Variants in IL15 observed in about 807,000 individuals in gnomAD.
IL15 encodes the protein interleukin-15.
IL15 carries 11 observed loss-of-function variants against 19.6 expected under a neutral mutation model. That is an observed-to-expected ratio of 0.56 (90% confidence interval 0.35 to 0.93). The LOEUF (loss-of-function observed/expected upper bound fraction) is 0.93, where lower values mean the gene tolerates loss of function less well. Among genes scored for constraint, IL15 ranks in the 40% least tolerant of loss-of-function variants. The probability of loss-of-function intolerance (pLI) is 0.01; values close to 1 mark genes in which losing one functional copy is unlikely to be tolerated. For missense variants in IL15, 197 were observed against 186.5 expected, an observed-to-expected ratio of 1.06 and a Z score of -0.33; for synonymous variants, 58 against 59.6, an observed-to-expected ratio of 0.97 and a Z score of 0.12.
At chr4:141,636,859 C>G (rs991000548) in intron 1 of IL15, 111 bp downstream of exon 1, 2 of 152,394 alleles carry the variant, frequency 1.3e-5, no homozygotes, top group African/African-American at 4.8e-5. Flanking sequence ...CAGCGTTACC[C>G]TCCGGTCTAT....
chr4:141,703,213 A>G (rs1052787410), intron 2 of IL15, among the ~76,000 whole-genome samples: 8 of 152,152 alleles, frequency 5.3e-5, no homozygotes, highest in Admixed American at 1.3e-4. Flanking sequence ...TTTGGGTCAC[A>G]TCCCTCCTCC....
chr4:141,671,610 G>T (rs140389148), intron 2 of IL15, among the ~76,000 whole-genome samples: 2 of 152,058 alleles, frequency 1.3e-5, no homozygotes, highest in African/African-American at 4.8e-5. Context: ...TGTGTGAGCC[G>T]CTTTCATCAT....
chr4:141,663,613 C>T (rs1032728005), intron 2 of IL15, among the ~76,000 whole-genome samples: 3 of 152,198 alleles, frequency 2.0e-5, no homozygotes, highest in Non-Finnish European at 4.4e-5. Flanking sequence ...AAGGCCTGTT[C>T]AGATTCTTCT....
At chr4:141,699,289 G>A (rs1729202423) in intron 2 of IL15, among the ~76,000 whole-genome samples, 2 of 152,150 alleles carry the variant, frequency 1.3e-5, no homozygotes, top group Non-Finnish European at 2.9e-5. Flanking sequence ...CTGATGAGAA[G>A]AATGTATATT....
intron 1 of IL15, among the ~76,000 whole-genome samples, chr4:141,643,298 TCTC>T (rs1382132436): frequency 6.6e-6 from 1 of 152,154 alleles, no homozygotes; most frequent in East Asian, 1.9e-4. Context: ...CTCATGTTTT[TCTC>T]CTCATGTTTC....
At chr4:141,690,349 G>A (rs1256923100) in intron 2 of IL15, among the ~76,000 whole-genome samples, 1 of 152,222 alleles carries the variant, frequency 6.6e-6, no homozygotes, top group Non-Finnish European at 1.5e-5. Flanking sequence ...TGCCGCCAAA[G>A]TGGGAGCCCA....
intron 2 of IL15, among the ~76,000 whole-genome samples, chr4:141,684,937 C>T (rs573475597): frequency 1.2e-4 from 18 of 151,428 alleles, no homozygotes; most frequent in Admixed American, 1.1e-3. Flanking sequence ...ACTGAGCTTA[C>T]AGTGGCAGTG....
intron 1 of IL15, among the ~76,000 whole-genome samples, chr4:141,650,279 T>G (rs186179628): frequency 6.6e-6 from 1 of 152,176 alleles, no homozygotes; most frequent in East Asian, 1.9e-4. Context: ...TGGAGCAAAT[T>G]ACAATATAGT....
rs548448267 is a variant in IL15 at position 141,681,935 on chromosome 4, G to A, written c.-100+25628G>A. On this transcript the variant is annotated intron_variant, in intron 2 of 7. Transcript: ENST00000320650. Reference sequence around the variant, plus strand: ...AGGCAAAGAATCATTATTTTCTTTCGGCAGTATACTGTGGACTTTTAATTC... The same window carrying A: ...AGGCAAAGAATCATTATTTTCTTTCAGCAGTATACTGTGGACTTTTAATTC... Among the ~76,000 whole-genome samples the A allele has an allele frequency of 1.8e-4, 28 of 152,168 alleles. No individual in the cohort carries two copies. In the South Asian group the frequency reaches 4.6e-3, roughly 25 times the overall value.
At chr4:141,720,934 C>T (rs1043394288) in intron 4 of IL15, 12 of 562,088 alleles carry the variant, frequency 2.1e-5, no homozygotes, top group Non-Finnish European at 3.1e-6. Flanking sequence ...ACTGACTCCT[C>T]CTATCCCTTG....
chr4:141,660,857 A>G (rs903179235), intron 2 of IL15, among the ~76,000 whole-genome samples: 1 of 152,138 alleles, frequency 6.6e-6, no homozygotes, highest in South Asian at 2.1e-4. Context: ...AAGATGTCTA[A>G]AGTATAAATA....
At chr4:141,672,214 G>A (rs915299396) in intron 2 of IL15, among the ~76,000 whole-genome samples, 1 of 152,044 alleles carries the variant, frequency 6.6e-6, no homozygotes, top group Non-Finnish European at 1.5e-5. Context: ...GTAGTTTGAA[G>A]GTTCTTAATT....
chr4:141,663,139 TA>T (rs1337565617), intron 2 of IL15, among the ~76,000 whole-genome samples: 11 of 152,230 alleles, frequency 7.2e-5, no homozygotes, highest in African/African-American at 1.9e-4. Context: ...TTAATTGGTC[TA>T]AAAATCATAT....
intron 2 of IL15, among the ~76,000 whole-genome samples, chr4:141,709,689 C>G (rs1236718386): frequency 6.6e-6 from 1 of 152,018 alleles, no homozygotes; most frequent in Non-Finnish European, 1.5e-5. Context: ...TCATTTTTCT[C>G]TATATAATTT....
chr4:141,674,500 C>T (rs867830926), intron 2 of IL15, among the ~76,000 whole-genome samples: 2 of 151,874 alleles, frequency 1.3e-5, no homozygotes, highest in Non-Finnish European at 2.9e-5. Flanking sequence ...GCAGGAGAAT[C>T]GCTTGAACCA....
intron 2 of IL15, among the ~76,000 whole-genome samples, chr4:141,675,191 G>GA (rs890199815): frequency 3.2e-4 from 48 of 150,632 alleles, no homozygotes; most frequent in Admixed American, 9.3e-4. Context: ...TAGAAATACT[G>GA]AAAAAATCAG....
intron 2 of IL15, among the ~76,000 whole-genome samples, chr4:141,696,370 C>A (rs1729095312): frequency 1.3e-5 from 2 of 151,964 alleles, no homozygotes; most frequent in African/African-American, 4.8e-5. Flanking sequence ...GAAGAACCTC[C>A]TACAATATTC....
At chr4:141,643,068 G>A (rs985411396) in intron 1 of IL15, among the ~76,000 whole-genome samples, 2 of 152,182 alleles carry the variant, frequency 1.3e-5, no homozygotes, top group African/African-American at 4.8e-5. Context: ...AAATTAGTTT[G>A]AGGTAGAATT....
Position 141,701,058 on chromosome 4 carries a change from C to T in IL15, c.-99-18308C>T, listed in dbSNP as rs558485693. 5.9e-5 allele frequency among the ~76,000 whole-genome samples: 9 copies of T among 152,000 alleles called. No homozygotes were observed. In the East Asian group the frequency reaches 1.7e-3, roughly 29 times the overall value. ...GAAATTTCTTTAAGTTGCTTTTCAC[C>T]TTCTCTGGTATCTCCTTGACTAGCT... On this transcript the variant is annotated intron_variant, in intron 2 of 7. Transcript: ENST00000320650.
Sources: allele counts gnomAD v4.1 joint callset (sites outside exome capture counted in the v4.1 genomes callset), GRCh38; gene constraint gnomAD v4.1.1; transcripts MANE v1.5; gene names NCBI Gene and HGNC (gene_info 2026-07-23, HGNC 2026-07-21).